Variants in SORCS3 observed in about 807,000 individuals in gnomAD.
SORCS3 encodes the protein VPS10 domain-containing receptor SorCS3.
A neutral mutation model predicts 146.3 loss-of-function variants in SORCS3; 57 were observed. The ratio of observed to expected loss-of-function variants is 0.39; its 90% CI spans 0.31 to 0.49. The LOEUF is 0.49. SORCS3 is among the 20% of genes least tolerant of loss of function. SORCS3 has a pLI of 0.92. For missense variants in SORCS3, 1,341 were observed against 1,575.5 expected, an observed-to-expected ratio of 0.85 and a Z score of 2.52; for synonymous variants, 653 against 618.5, an observed-to-expected ratio of 1.06 and a Z score of -0.83.
chr10:105,149,928 G>T (rs1260113909), intron 9 of SORCS3, among the ~76,000 whole-genome samples: 1 of 152,002 alleles, frequency 6.6e-6, no homozygotes, highest in Non-Finnish European at 1.5e-5. Flanking sequence ...CAGTCTTATT[G>T]AAGAAAAAAA....
intron 2 of SORCS3, among the ~76,000 whole-genome samples, chr10:104,914,726 G>C (rs1021109538): frequency 6.6e-6 from 1 of 152,232 alleles, no homozygotes; most frequent in East Asian, 1.9e-4. Context: ...AGCATTAGAA[G>C]GTGGATAAAG....
intron 24 of SORCS3, 83 bp from the exon 25 acceptor site, chr10:105,256,736 C>T (rs2056933669): frequency 9.8e-7 from 1 of 1,015,704 alleles, no homozygotes; most frequent in Admixed American, 2.0e-5. Context: ...CAGTGGCCTC[C>T]TTCCTGCAAT....
chr10:105,205,753 T>C (rs2056598708), intron 16 of SORCS3, among the ~76,000 whole-genome samples: 1 of 152,176 alleles, frequency 6.6e-6, no homozygotes, highest in African/African-American at 2.4e-5. Context: ...GCCCCTACTA[T>C]GTAAGCAGAT....
intron 1 of SORCS3, among the ~76,000 whole-genome samples, chr10:104,687,852 A>C (rs1380547792): frequency 2.6e-5 from 4 of 152,178 alleles, no homozygotes; most frequent in African/African-American, 9.7e-5. Context: ...AAGGGGGGAC[A>C]ATAATAGTAC....
chr10:104,979,564 T>TG (rs1459455250), intron 4 of SORCS3, among the ~76,000 whole-genome samples: 10 of 142,400 alleles, frequency 7.0e-5, no homozygotes, highest in African/African-American at 2.7e-4. Context: ...TGAATTTGTG[T>TG]TTGTGTGTGT....
chr10:105,100,501 A>G (rs2055776766), intron 6 of SORCS3, among the ~76,000 whole-genome samples: 1 of 152,238 alleles, frequency 6.6e-6, no homozygotes, highest in African/African-American at 2.4e-5. Flanking sequence ...ATAAAAGTCC[A>G]TGTGCATTTT....
chr10:104,709,397 A>G (rs2016385936), intron 1 of SORCS3, among the ~76,000 whole-genome samples: 1 of 152,092 alleles, frequency 6.6e-6, no homozygotes, highest in East Asian at 1.9e-4. Context: ...TTTTGTGCCA[A>G]TTCTCCCCTG....
At chr10:104,712,673 G>A (rs1172875919) in intron 1 of SORCS3, among the ~76,000 whole-genome samples, 1 of 152,232 alleles carries the variant, frequency 6.6e-6, no homozygotes, top group Admixed American at 6.5e-5. Flanking sequence ...TGTAACAACA[G>A]TAAGTGTTCC....
chr10:104,856,027 C>T (rs2018327388), intron 2 of SORCS3, among the ~76,000 whole-genome samples: 5 of 152,144 alleles, frequency 3.3e-5, no homozygotes, highest in Admixed American at 3.3e-4. Flanking sequence ...CATGAGCCAC[C>T]ATGCCCAGCC....
At chr10:105,076,191 C>T (rs144157094) in intron 5 of SORCS3, among the ~76,000 whole-genome samples, 5 of 152,156 alleles carry the variant, frequency 3.3e-5, no homozygotes, top group African/African-American at 1.2e-4. Context: ...ATAACTTGCC[C>T]AAGGTAACAC....
At chr10:104,980,647 A>G (rs961855660) in intron 4 of SORCS3, among the ~76,000 whole-genome samples, 1 of 152,182 alleles carries the variant, frequency 6.6e-6, no homozygotes, top group African/African-American at 2.4e-5. Context: ...GAGTGAATCG[A>G]TGTTTCCATT....
chr10:105,160,352 C>T (rs987785248), intron 11 of SORCS3, among the ~76,000 whole-genome samples: 7 of 152,208 alleles, frequency 4.6e-5, no homozygotes, highest in South Asian at 2.1e-4. Flanking sequence ...AATGGCCAGG[C>T]GCAGTGGTTC....
At chr10:105,199,705 A>T (rs1028935256) in intron 14 of SORCS3, among the ~76,000 whole-genome samples, 1 of 151,850 alleles carries the variant, frequency 6.6e-6, no homozygotes, top group Non-Finnish European at 1.5e-5. Flanking sequence ...ACCGGTCCCA[A>T]TTTTTTTTCT....
chr10:105,009,880 A>G (rs1031230097), intron 4 of SORCS3, among the ~76,000 whole-genome samples: 2 of 152,110 alleles, frequency 1.3e-5, no homozygotes, highest in Non-Finnish European at 2.9e-5. Context: ...TTTCTCCCTG[A>G]CTTCCCATTT....
chr10:104,944,817 C>T (rs1425628306), intron 3 of SORCS3, among the ~76,000 whole-genome samples: 2 of 152,172 alleles, frequency 1.3e-5, no homozygotes, highest in African/African-American at 4.8e-5. Context: ...TATATACACA[C>T]CCTGTGACCC....
chr10:105,222,745 C>T (rs550680104), intron 19 of SORCS3, among the ~76,000 whole-genome samples: 41 of 152,318 alleles, frequency 2.7e-4, no homozygotes, highest in African/African-American at 9.6e-4. Context: ...AATACACTGA[C>T]CCCAAATCAC....
chr10:105,209,949 C>G (rs920184380), intron 16 of SORCS3, among the ~76,000 whole-genome samples: 31 of 152,120 alleles, frequency 2.0e-4, no homozygotes, highest in African/African-American at 6.0e-4. Flanking sequence ...TGCTGTATCT[C>G]TCTCCCCCAA....
At chr10:104,801,348 A>T (rs2017622011) in intron 1 of SORCS3, among the ~76,000 whole-genome samples, 1 of 152,236 alleles carries the variant, frequency 6.6e-6, no homozygotes, top group Admixed American at 6.5e-5. Flanking sequence ...TCTGCAGCCC[A>T]ACAGATCTTT....
intron 1 of SORCS3, among the ~76,000 whole-genome samples, chr10:104,775,056 G>T (rs1477392197): frequency 1.3e-5 from 2 of 152,166 alleles, no homozygotes; most frequent in African/African-American, 4.8e-5. Flanking sequence ...TGTGTGTTCA[G>T]TTTTGGAGTG....
Sources: allele counts gnomAD v4.1 joint callset (sites outside exome capture counted in the v4.1 genomes callset), GRCh38; gene constraint gnomAD v4.1.1; transcripts MANE v1.5; gene names NCBI Gene and HGNC (gene_info 2026-07-23, HGNC 2026-07-21).